Variants in DARS1 observed in about 807,000 individuals in gnomAD.
DARS1 encodes the protein aspartyl-tRNA synthetase 1, also known as aspartate--tRNA ligase, cytoplasmic.
DARS1 carries 51 observed loss-of-function variants against 68.8 expected under a neutral mutation model. The observed-to-expected ratio is 0.74, with a 90% CI of 0.59 to 0.94. The LOEUF (loss-of-function observed/expected upper bound fraction) is 0.94, where lower values mean the gene tolerates loss of function less well. Among genes scored for constraint, DARS1 ranks in the 40% least tolerant of loss-of-function variants. DARS1 has a pLI of 0.00. For synonymous variants in DARS1, 203 were observed against 190.4 expected, an observed-to-expected ratio of 1.07 and a Z score of -0.55; for missense variants, 607 against 597.3, an observed-to-expected ratio of 1.02 and a Z score of -0.17.
intron 3 of DARS1, among the ~76,000 whole-genome samples, chr2:135,970,322 A>G (rs1476980649): frequency 1.3e-5 from 2 of 151,820 alleles, no homozygotes; most frequent in African/African-American, 4.8e-5. Flanking sequence ...TAACACTACA[A>G]ATCAATAATG....
At chr2:135,966,102 T>A (rs1026421422) in intron 3 of DARS1, among the ~76,000 whole-genome samples, 1 of 152,130 alleles carries the variant, frequency 6.6e-6, no homozygotes, top group African/African-American at 2.4e-5. Context: ...TGATCCTTTT[T>A]GTGCAAATTT....
intron 1 of DARS1, among the ~76,000 whole-genome samples, chr2:135,984,032 G>A (rs1220007246): frequency 6.6e-6 from 1 of 152,142 alleles, no homozygotes; most frequent in African/African-American, 2.4e-5. Context: ...AGGATACCAG[G>A]TTACAGGAGT....
At chr2:135,974,375 A>T (rs1391445083) in intron 3 of DARS1, among the ~76,000 whole-genome samples, 1 of 152,226 alleles carries the variant, frequency 6.6e-6, no homozygotes, top group East Asian at 1.9e-4. Flanking sequence ...AACTACGTTA[A>T]AATTTATTTT....
chr2:135,964,220 G>T (rs1261641683), intron 3 of DARS1, among the ~76,000 whole-genome samples: 1 of 151,994 alleles, frequency 6.6e-6, no homozygotes, highest in Non-Finnish European at 1.5e-5. Context: ...TGATCATATG[G>T]GGAAAAAAAC....
chr2:135,927,470 T>A (rs1681244135), intron 7 of DARS1, among the ~76,000 whole-genome samples: 1 of 152,176 alleles, frequency 6.6e-6, no homozygotes, highest in Non-Finnish European at 1.5e-5. Context: ...GCCTTCTTTA[T>A]CATTTAAGTT....
intron 4 of DARS1, among the ~76,000 whole-genome samples, chr2:135,946,833 GAGA>G (rs1253818990): frequency 1.3e-5 from 2 of 152,110 alleles, no homozygotes; most frequent in African/African-American, 4.8e-5. Flanking sequence ...TGAGCATATA[GAGA>G]AGAATCACTG....
chr2:135,984,804 G>A (rs1575411809), intron 1 of DARS1, among the ~76,000 whole-genome samples: 2 of 152,172 alleles, frequency 1.3e-5, no homozygotes, highest in South Asian at 2.1e-4. Flanking sequence ...AAGGATCACT[G>A]GGTGTTATGA....
chr2:135,960,318 A>G (rs1307171512), intron 4 of DARS1, among the ~76,000 whole-genome samples: 3 of 152,222 alleles, frequency 2.0e-5, no homozygotes, highest in African/African-American at 7.2e-5. Flanking sequence ...AGGTATTACT[A>G]TGACGTAATT....
chr2:135,925,612 AC>A (rs918816032), intron 7 of DARS1, among the ~76,000 whole-genome samples: 1 of 152,228 alleles, frequency 6.6e-6, no homozygotes, highest in Non-Finnish European at 1.5e-5. Flanking sequence ...TTTATAACTT[AC>A]ATTCAAAGTT....
At position 135,985,536 on chromosome 2, in the gene DARS1, C is replaced by T; in HGVS notation, c.-68G>A. The T allele has an allele frequency of 1.2e-6, 2 of 1,611,092 alleles. No homozygotes were observed. The highest frequency in any genetic ancestry group is 1.7e-6 in the Non-Finnish European group (2 of 1,178,820). On this transcript the variant is annotated 5_prime_UTR_variant, in exon 1 of 16. Coordinates refer to ENST00000264161, the MANE Select transcript of DARS1 (RefSeq NM_001349.4). ...GCTTCCGTAAGGCAGGCCAAAGGGGCTTCTCCCTCCCTCCCAGTCTCCGCC... is the reference window on the plus strand; with the variant it reads ...GCTTCCGTAAGGCAGGCCAAAGGGGTTTCTCCCTCCCTCCCAGTCTCCGCC...
In DARS1 at chr2:135,907,104, T is replaced by C; in HGVS notation, c.*212A>G. On this transcript the variant is annotated 3_prime_UTR_variant, in exon 16 of 16. Transcript: ENST00000264161. ...TGTCTGAAGTTATAAAAATCTCTTTTAAACGAACCTATACTGAATTACTCC... is the reference window on the plus strand; with the variant it reads ...TGTCTGAAGTTATAAAAATCTCTTTCAAACGAACCTATACTGAATTACTCC... The C allele has an allele frequency of 2.9e-6, 1 of 339,236 alleles. No homozygotes were observed. Among genetic ancestry groups the C allele is most frequent in the East Asian group, 5.2e-5 (1 of 19,328 alleles). 21.0% of individuals were successfully genotyped at this position (339,236 alleles called of 1,614,324 possible).
chr2:135,973,929 A>G lies in DARS1; in HGVS notation c.217+5345T>C, dbSNP rs968759716. Among the ~76,000 whole-genome samples the G allele has an allele frequency of 3.3e-5, 5 of 152,316 alleles. No individual in the cohort carries two copies. In the South Asian group the frequency reaches 1.0e-3, roughly 32 times the overall value. ...CTGGATTGTATGTAACACAAAGAAT[A>G]AATGCTTGAGGGGATGCATACCCAA... On this transcript the variant is annotated intron_variant, in intron 3 of 15. Coordinates refer to ENST00000264161, the MANE Select transcript of DARS1 (RefSeq NM_001349.4).
In DARS1 at chr2:135,920,554, A is replaced by G. The variant is rs369617769; in HGVS notation, c.858T>C (p.Phe286=). The G allele has an allele frequency of 1.8e-5, 29 of 1,613,656 alleles. 1 individual carries two copies. Among genetic ancestry groups the G allele is most frequent in the East Asian group, 2.2e-5 (1 of 44,792 alleles). Reference sequence around the variant, plus strand: ...AAGCCATTTCAATGTCCAAACCAACAAACTCAGTTAGATGTCTATGGGTAT... The same window carrying G: ...AAGCCATTTCAATGTCCAAACCAACGAACTCAGTTAGATGTCTATGGGTAT... ...DSNTHRHLTE[F]VGLDIEMAFN... is the part of the protein sequence containing the mutation. The change falls in exon 10 of 16, where the codon TTT becomes TTC. Residue 286 remains phenylalanine (F), a synonymous_variant. Coordinates refer to ENST00000264161, the MANE Select transcript of DARS1 (RefSeq NM_001349.4).
In DARS1 at chr2:135,922,764, C is replaced by A; in HGVS notation, c.811+20G>T. ...GTATAATTAATTAACTTGGATAAAACATAACTGCCAAAATCTTACCTGGTC... is the reference window on the plus strand; with the variant it reads ...GTATAATTAATTAACTTGGATAAAAAATAACTGCCAAAATCTTACCTGGTC... On this transcript the variant is annotated intron_variant, in intron 9 of 15. Transcript: ENST00000264161. 2 of 1,522,266 alleles carry A rather than the reference C, an allele frequency of 1.3e-6. No individual in the cohort carries two copies. The highest frequency in any genetic ancestry group is 1.4e-5 in the African/African-American group (1 of 69,816). 94.3% of individuals were successfully genotyped at this position (1,522,266 alleles called of 1,614,324 possible).
intron 3 of DARS1, among the ~76,000 whole-genome samples, chr2:135,969,384 A>T (rs1256116054): frequency 6.6e-6 from 1 of 151,994 alleles, no homozygotes; most frequent in Non-Finnish European, 1.5e-5. Context: ...AATGAATAAT[A>T]AAAAAAAGAA....
intron 3 of DARS1, among the ~76,000 whole-genome samples, chr2:135,972,258 A>G (rs1039440522): frequency 1.3e-5 from 2 of 152,154 alleles, no homozygotes; most frequent in African/African-American, 4.8e-5. Context: ...AACAGAAGAG[A>G]GAATCCAGAA....
intron 3 of DARS1, among the ~76,000 whole-genome samples, chr2:135,961,771 T>C (rs1682107328): frequency 6.6e-6 from 1 of 152,202 alleles, no homozygotes; most frequent in Admixed American, 6.5e-5. Flanking sequence ...CAAAAAAACT[T>C]CTAAATCAAG....
intron 15 of DARS1, 93 bp downstream of exon 15, chr2:135,911,046 A>G (rs1680885010): frequency 4.7e-6 from 3 of 639,634 alleles, no homozygotes; most frequent in Non-Finnish European, 8.5e-6. Context: ...ATTTTCACTT[A>G]TGTCGTAATT....
At chr2:135,982,064 C>A (rs977939647) in intron 2 of DARS1, among the ~76,000 whole-genome samples, 1 of 152,116 alleles carries the variant, frequency 6.6e-6, no homozygotes, top group African/African-American at 2.4e-5. Context: ...TCATAGGCAG[C>A]CCTCTAAACT....
Sources: allele counts gnomAD v4.1 joint callset (sites outside exome capture counted in the v4.1 genomes callset), GRCh38; gene constraint gnomAD v4.1.1; transcripts MANE v1.5; gene names NCBI Gene and HGNC (gene_info 2026-07-23, HGNC 2026-07-21).